The following MAGI2 variants were observed in gnomAD, a reference collection of about 807,000 sequenced individuals.
MAGI2 encodes the protein membrane-associated guanylate kinase, WW and PDZ domain-containing protein 2.
A neutral mutation model predicts 133.3 loss-of-function variants in MAGI2; 35 were observed. That is an observed-to-expected ratio of 0.26 (90% CI 0.20 to 0.35). The LOEUF is 0.35. MAGI2 is among the 10% of genes least tolerant of loss of function. MAGI2 has a pLI of 1.00. For missense variants in MAGI2, 1,636 were observed against 1,863.4 expected (o/e 0.88, Z 2.25); for synonymous variants, 729 against 710.6 (o/e 1.03, Z -0.41).
chr7:78,547,712 C>T (rs1272796724), intron 3 of MAGI2, among the ~76,000 whole-genome samples: 3 of 152,222 alleles, frequency 2.0e-5, no homozygotes, highest in African/African-American at 7.2e-5. Flanking sequence ...ACATAATGTG[C>T]ACATCTTTGC....
Position 78,195,557 on chromosome 7 carries a change from C to T in MAGI2, c.2080-494G>A, listed in dbSNP as rs117538765. On this transcript the variant is annotated intron_variant, in intron 11 of 21. Coordinates refer to ENST00000354212, the MANE Select transcript of MAGI2 (RefSeq NM_012301.4). ...AACTTCCTACGCTTGAGCATTCAGTCGCTTTCCTCTCAGTTTAGACGTAAT... is the reference window on the plus strand; with the variant it reads ...AACTTCCTACGCTTGAGCATTCAGTTGCTTTCCTCTCAGTTTAGACGTAAT... 4.6e-3 allele frequency among the ~76,000 whole-genome samples: 708 copies of T among 152,302 alleles called. 3 individuals are homozygous for T. The highest frequency in any genetic ancestry group is 7.4e-3 in the Non-Finnish European group (502 of 68,034).
intron 20 of MAGI2, among the ~76,000 whole-genome samples, chr7:78,080,661 A>T (rs920980919): frequency 1.3e-5 from 2 of 152,198 alleles, no homozygotes; most frequent in African/African-American, 2.4e-5. Context: ...CTTCAGACTC[A>T]CACGTCCAGC....
chr7:78,074,173 CGTTTA>C (rs1815026658), intron 21 of MAGI2, among the ~76,000 whole-genome samples: 1 of 152,116 alleles, frequency 6.6e-6, no homozygotes, highest in Non-Finnish European at 1.5e-5. Context: ...TGGCACCTGA[CGTTTA>C]GTCTTTGGGT....
intron 9 of MAGI2, among the ~76,000 whole-genome samples, chr7:78,342,666 C>T (rs764520471): frequency 2.8e-4 from 42 of 152,070 alleles, no homozygotes; most frequent in Non-Finnish European, 5.1e-4. Context: ...GCAGAGACTT[C>T]GATGAAGCTG....
chr7:78,156,977 G>A (rs968974824), intron 16 of MAGI2, among the ~76,000 whole-genome samples: 6 of 152,126 alleles, frequency 3.9e-5, no homozygotes, highest in African/African-American at 1.2e-4. Context: ...CATAAACCTC[G>A]GTCAGTCTCA....
intron 1 of MAGI2, among the ~76,000 whole-genome samples, chr7:79,391,669 G>C (rs187410226): frequency 2.3e-4 from 34 of 150,998 alleles, no homozygotes; most frequent in Non-Finnish European, 3.8e-4. Flanking sequence ...CCGTCATGTA[G>C]GTGTTTTTTG....
intron 2 of MAGI2, among the ~76,000 whole-genome samples, chr7:78,938,900 T>C (rs761519831): frequency 2.0e-5 from 3 of 152,186 alleles, no homozygotes; most frequent in Non-Finnish European, 2.9e-5. Context: ...CAGAAGTCTT[T>C]AAAATTTTTT....
At chr7:79,138,998 A>C (rs1562932322) in intron 1 of MAGI2, among the ~76,000 whole-genome samples, 1 of 150,430 alleles carries the variant, frequency 6.6e-6, no homozygotes, top group East Asian at 1.9e-4. Context: ...AAAAAAAAAA[A>C]AGAGTCAAAG....
At chr7:78,725,132 G>A (rs549639142) in intron 2 of MAGI2, among the ~76,000 whole-genome samples, 1 of 152,226 alleles carries the variant, frequency 6.6e-6, no homozygotes, top group African/African-American at 2.4e-5. Context: ...ATGAAGAAAA[G>A]CTAATTAAGT....
chr7:78,069,025 G>T (rs1814154602), intron 21 of MAGI2, among the ~76,000 whole-genome samples: 1 of 152,134 alleles, frequency 6.6e-6, no homozygotes, highest in Non-Finnish European at 1.5e-5. Flanking sequence ...TGAACTACAG[G>T]GCCAGACTCT....
At chr7:79,065,801 A>C (rs866820020) in intron 1 of MAGI2, among the ~76,000 whole-genome samples, 1 of 152,060 alleles carries the variant, frequency 6.6e-6, no homozygotes, top group African/African-American at 2.4e-5. Context: ...ATGAGTGAAA[A>C]CATGCAGTGT....
At chr7:78,907,446 T>G (rs376000921) in intron 2 of MAGI2, among the ~76,000 whole-genome samples, 1 of 152,302 alleles carries the variant, frequency 6.6e-6, no homozygotes, top group African/African-American at 2.4e-5. Flanking sequence ...GATTAAAATC[T>G]GGGTGGTGAA....
chr7:78,278,015 G>A (rs1413602853), intron 9 of MAGI2, among the ~76,000 whole-genome samples: 1 of 152,192 alleles, frequency 6.6e-6, no homozygotes, highest in Non-Finnish European at 1.5e-5. Flanking sequence ...TTAGCTTGAA[G>A]TTTGGCTTCA....
At chr7:78,968,977 A>G (rs1316222982) in intron 2 of MAGI2, among the ~76,000 whole-genome samples, 1 of 152,092 alleles carries the variant, frequency 6.6e-6, no homozygotes, top group Non-Finnish European at 1.5e-5. Flanking sequence ...TTCTTTTCTA[A>G]TATAAAGCAG....
intron 1 of MAGI2, among the ~76,000 whole-genome samples, chr7:79,134,287 A>G (rs572897822): frequency 6.6e-6 from 1 of 152,224 alleles, no homozygotes; most frequent in Admixed American, 6.5e-5. Flanking sequence ...AAAATTTGTT[A>G]AAAACGCTCA....
intron 1 of MAGI2, among the ~76,000 whole-genome samples, chr7:79,336,906 TA>T (rs1360666700): frequency 6.6e-6 from 1 of 151,782 alleles, no homozygotes; most frequent in Non-Finnish European, 1.5e-5. Flanking sequence ...TGAACAAATC[TA>T]GAGATCTAAC....
intron 2 of MAGI2, among the ~76,000 whole-genome samples, chr7:78,665,934 C>G (rs1204901719): frequency 6.6e-6 from 1 of 151,966 alleles, no homozygotes. Flanking sequence ...TGACAATTAA[C>G]CAGGTAGTTA....
intron 1 of MAGI2, among the ~76,000 whole-genome samples, chr7:79,376,101 T>A (rs990152991): frequency 6.6e-6 from 1 of 151,834 alleles, no homozygotes; most frequent in African/African-American, 2.4e-5. Flanking sequence ...AACCTACCCG[T>A]GAATTAATCT....
At position 78,125,821 on chromosome 7, in the gene MAGI2, G is replaced by C; in HGVS notation, c.3440C>G (p.Thr1147Ser). Reference protein sequence around the residue: ...YRQPQDFDYFTVDMEKGAKGF... With the variant: ...YRQPQDFDYFSVDMEKGAKGF... ...TTTGGCTCCTTTCTCCATGTCCACA[G>C]TGAAATAATCAAAATCCTTTGGGGT... is the stretch of plus-strand genomic sequence containing the variant. Residue 1147 changes from threonine (T) to serine (S), a missense_variant, in exon 20 of 22, where the codon ACT (threonine) becomes AGT (serine). Physicochemically the swap from Thr to Ser is moderately conservative, Grantham distance 58. This residue lies in a region of MAGI2 where 920 missense variants were observed against 1,093.5 expected (regional missense o/e 0.84). Transcript: ENST00000354212. 1 of 1,614,082 alleles carries C rather than the reference G, an allele frequency of 6.2e-7. No homozygotes were observed.
Sources: allele counts gnomAD v4.1 joint callset (sites outside exome capture counted in the v4.1 genomes callset), GRCh38; gene constraint gnomAD v4.1.1; regional missense constraint gnomAD v4.1.1; transcripts MANE v1.5; gene names NCBI Gene and HGNC (gene_info 2026-07-23, HGNC 2026-07-21).